The following KCNMA1 variants were observed in gnomAD, a reference collection of about 807,000 sequenced individuals.
KCNMA1 encodes potassium calcium-activated channel subfamily M alpha 1.
In KCNMA1, 29 loss-of-function variants were observed where a neutral mutation model predicts 140.0. That is an observed-to-expected ratio of 0.21 (90% confidence interval 0.15 to 0.28). The LOEUF (loss-of-function observed/expected upper bound fraction) is 0.28, where lower values mean the gene tolerates loss of function less well. KCNMA1 is among the 10% of genes least tolerant of loss of function. The pLI, the probability that KCNMA1 is intolerant of heterozygous loss-of-function variation, is 1.00. For synonymous variants in KCNMA1, 612 were observed against 611.9 expected (o/e 1.00, Z 0.00); for missense variants, 880 against 1,602.2 (o/e 0.55, Z 7.70).
At chr10:77,215,453 A>T (rs2047438578) in intron 3 of KCNMA1, among the ~76,000 whole-genome samples, 1 of 135,050 alleles carries the variant, frequency 7.4e-6, no homozygotes. Flanking sequence ...GTGTTCCCTG[A>T]TTACATTTAT....
intron 20 of KCNMA1, among the ~76,000 whole-genome samples, chr10:76,956,517 C>T (rs2068375186): frequency 6.6e-6 from 1 of 152,100 alleles, no homozygotes; most frequent in African/African-American, 2.4e-5. Flanking sequence ...CCCTCTCTGA[C>T]CAGCATGGTA....
intron 1 of KCNMA1, among the ~76,000 whole-genome samples, chr10:77,440,904 C>T (rs1468028740): frequency 1.3e-5 from 2 of 152,108 alleles, no homozygotes; most frequent in Non-Finnish European, 2.9e-5. Context: ...CTGCAAGCTC[C>T]GCCTCCCGGG....
At chr10:76,879,343 C>T (rs1211338290) in intron 29 of KCNMA1, among the ~76,000 whole-genome samples, 1 of 152,158 alleles carries the variant, frequency 6.6e-6, no homozygotes, top group Non-Finnish European at 1.5e-5. Flanking sequence ...TTCTCCCCAC[C>T]CCCTCTCCTG....
chr10:76,928,426 C>A (rs189959191), intron 23 of KCNMA1, among the ~76,000 whole-genome samples: 25 of 152,206 alleles, frequency 1.6e-4, no homozygotes, highest in Non-Finnish European at 2.8e-4. Context: ...CAGACCCCGC[C>A]CCCAACACTG....
chr10:77,445,594 A>G (rs1451383225), intron 1 of KCNMA1, among the ~76,000 whole-genome samples: 2 of 152,104 alleles, frequency 1.3e-5, no homozygotes, highest in Non-Finnish European at 2.9e-5. Flanking sequence ...ATGTTTCCTA[A>G]TAAGACCAAG....
intron 1 of KCNMA1, among the ~76,000 whole-genome samples, chr10:77,481,248 C>A (rs1319804866): frequency 2.0e-5 from 3 of 152,122 alleles, no homozygotes; most frequent in South Asian, 2.1e-4. Flanking sequence ...AATCACTTAT[C>A]TTTCCAGAGT....
At chr10:77,014,433 C>CAA (rs35030342) in intron 17 of KCNMA1, among the ~76,000 whole-genome samples, 53 of 87,996 alleles carry the variant, frequency 6.0e-4, no homozygotes, top group Admixed American at 2.4e-3. Flanking sequence ...GACATTGTCT[C>CAA]AAAAAAAAAA....
rs2036823668 is a variant in KCNMA1, at chr10:76,886,182, C to T, written c.*1084G>A. The T allele has an allele frequency of 1.0e-6, 1 of 985,410 alleles. No individual in the cohort carries two copies. Among genetic ancestry groups the T allele is most frequent in the Non-Finnish European group, 1.2e-6 (1 of 829,942 alleles). 61.0% of individuals were successfully genotyped at this position (985,410 alleles called of 1,614,324 possible). ...TCTGCAGCTGGGTTTGTCTTCCTCTCACTCTACCATTGCCCCAGCCCTTCC... is the reference window on the plus strand; with the variant it reads ...TCTGCAGCTGGGTTTGTCTTCCTCTTACTCTACCATTGCCCCAGCCCTTCC... On this transcript the variant is annotated 3_prime_UTR_variant, in exon 28 of 28. Coordinates refer to ENST00000286628, the MANE Select transcript of KCNMA1 (RefSeq NM_001161352.2).
intron 2 of KCNMA1, among the ~76,000 whole-genome samples, chr10:77,347,032 A>G (rs946062021): frequency 5.3e-5 from 8 of 152,194 alleles, no homozygotes; most frequent in African/African-American, 1.9e-4. Context: ...TTGAATCTCA[A>G]TGTCACAATC....
At chr10:77,121,968 T>C (rs2097610109) in intron 5 of KCNMA1, among the ~76,000 whole-genome samples, 1 of 152,218 alleles carries the variant, frequency 6.6e-6, no homozygotes, top group African/African-American at 2.4e-5. Flanking sequence ...GGGATTTTCT[T>C]TTGCAGACTT....
intron 9 of KCNMA1, among the ~76,000 whole-genome samples, chr10:77,104,349 A>G (rs2097159275): frequency 6.6e-6 from 1 of 152,182 alleles, no homozygotes; most frequent in Non-Finnish European, 1.5e-5. Context: ...AATTGGAGCA[A>G]GAGACGGGTT....
chr10:76,929,108 A>G (rs2058598256), intron 23 of KCNMA1, among the ~76,000 whole-genome samples: 1 of 152,208 alleles, frequency 6.6e-6, no homozygotes. Context: ...ATAAATAAAT[A>G]AGGAGACACA....
intron 2 of KCNMA1, among the ~76,000 whole-genome samples, chr10:77,323,574 A>G (rs1169260393): frequency 6.6e-6 from 1 of 152,218 alleles, no homozygotes; most frequent in African/African-American, 2.4e-5. Flanking sequence ...GCAGGAGCAT[A>G]ATTTTATGGC....
chr10:76,877,262 TG>T (rs2032567355), downstream of KCNMA1: 1 of 154,882 alleles, frequency 6.5e-6, no homozygotes, highest in African/African-American at 2.4e-5. Context: ...CTAAAATACA[TG>T]TATACATCAT....
intron 23 of KCNMA1, among the ~76,000 whole-genome samples, chr10:76,918,662 A>G (rs1354235570): frequency 6.6e-6 from 1 of 152,210 alleles, no homozygotes; most frequent in Non-Finnish European, 1.5e-5. Flanking sequence ...TACTACAGCC[A>G]CTATGGAAAA....
chr10:77,324,882 A>T (rs973666114), intron 2 of KCNMA1, among the ~76,000 whole-genome samples: 1 of 151,226 alleles, frequency 6.6e-6, no homozygotes, highest in Non-Finnish European at 1.5e-5. Context: ...CTACAATTTT[A>T]AGAGTATCAA....
intron 14 of KCNMA1, among the ~76,000 whole-genome samples, chr10:77,066,998 G>C (rs1023043756): frequency 5.9e-5 from 9 of 152,266 alleles, no homozygotes; most frequent in African/African-American, 2.2e-4. Flanking sequence ...GGTTAGCAGA[G>C]CTTACACCCA....
At chr10:77,632,240 C>T (rs1408289835) in intron 1 of KCNMA1, among the ~76,000 whole-genome samples, 1 of 147,894 alleles carries the variant, frequency 6.8e-6, no homozygotes, top group Non-Finnish European at 1.5e-5. Flanking sequence ...AGGTGTGCCA[C>T]AGAACACACT....
intron 3 of KCNMA1, among the ~76,000 whole-genome samples, chr10:77,197,959 C>G (rs566086592): frequency 6.6e-6 from 1 of 152,102 alleles, no homozygotes; most frequent in South Asian, 2.1e-4. Flanking sequence ...GCTTTGGGGA[C>G]GAGGAGGGGC....
Sources: allele counts gnomAD v4.1 joint callset (sites outside exome capture counted in the v4.1 genomes callset), GRCh38; gene constraint gnomAD v4.1.1; transcripts MANE v1.5; gene names NCBI Gene and HGNC (gene_info 2026-07-23, HGNC 2026-07-21).